Variants in KCNIP1 observed in about 807,000 individuals in gnomAD.
The protein encoded by KCNIP1 is potassium voltage-gated channel interacting protein 1.
Under a neutral mutation model 33.0 loss-of-function variants are expected in KCNIP1, and 18 were observed. The ratio of observed to expected loss-of-function variants is 0.55; its 90% CI spans 0.38 to 0.81. The LOEUF (loss-of-function observed/expected upper bound fraction) is 0.81, where lower values mean the gene tolerates loss of function less well. KCNIP1 is among the 30% of genes least tolerant of loss of function. The pLI, the probability that KCNIP1 is intolerant of heterozygous loss-of-function variation, is 0.00. For missense variants in KCNIP1, 238 were observed against 271.6 expected (o/e 0.88, Z 0.87); for synonymous variants, 93 against 98.3 (o/e 0.95, Z 0.32).
chr5:170,480,877 T>C (rs1756962609), intron 1 of KCNIP1, among the ~76,000 whole-genome samples: 1 of 152,078 alleles, frequency 6.6e-6, no homozygotes, highest in Non-Finnish European at 1.5e-5. Flanking sequence ...CCAGGACTAT[T>C]AGTTGTATTC....
At chr5:170,461,861 G>T (rs1340061578) in intron 1 of KCNIP1, among the ~76,000 whole-genome samples, 1 of 152,130 alleles carries the variant, frequency 6.6e-6, no homozygotes, top group Non-Finnish European at 1.5e-5. Context: ...CATATAGTGG[G>T]GAAAGGACAC....
chr5:170,357,412 C>G (rs6872424), intron 1 of KCNIP1, among the ~76,000 whole-genome samples: 1 of 152,220 alleles, frequency 6.6e-6, no homozygotes, highest in Admixed American at 6.5e-5. Flanking sequence ...AGAGCCCCTC[C>G]GGGCTGGGAC....
intron 1 of KCNIP1, among the ~76,000 whole-genome samples, chr5:170,665,320 A>C (rs2113757463): frequency 6.6e-6 from 1 of 151,988 alleles, no homozygotes; most frequent in Non-Finnish European, 1.5e-5. Flanking sequence ...AGATTTATTT[A>C]CAGAAATCTG....
At chr5:170,424,269 C>A (rs1260791305) in intron 1 of KCNIP1, among the ~76,000 whole-genome samples, 1 of 152,202 alleles carries the variant, frequency 6.6e-6, no homozygotes, top group South Asian at 2.1e-4. Flanking sequence ...CTACTTTGCA[C>A]ATGTCCCATT....
At chr5:170,554,547 G>A (rs939094647) in intron 1 of KCNIP1, among the ~76,000 whole-genome samples, 6 of 152,316 alleles carry the variant, frequency 3.9e-5, no homozygotes, top group Admixed American at 6.5e-5. Context: ...GATGACAGAC[G>A]GAATCTCAGG....
chr5:170,450,079 C>T (rs1756210273), intron 1 of KCNIP1, among the ~76,000 whole-genome samples: 1 of 152,132 alleles, frequency 6.6e-6, no homozygotes, highest in African/African-American at 2.4e-5. Context: ...CATCCATGCT[C>T]AGGACTGCTC....
rs138947341 is a variant in KCNIP1 at position 170,658,577 on chromosome 5, G to A, written c.62-60181G>A. ...AGATGGCAGATGAATTTTGGAGGTAGAGGGAGAGGGGCAGATCACACAGAT... is the reference window on the plus strand; with the variant it reads ...AGATGGCAGATGAATTTTGGAGGTAAAGGGAGAGGGGCAGATCACACAGAT... On this transcript the variant is annotated intron_variant, in intron 1 of 7. Coordinates refer to ENST00000328939, the MANE Select transcript of KCNIP1 (RefSeq NM_014592.4). 3.2e-3 allele frequency among the ~76,000 whole-genome samples: 483 copies of A among 152,312 alleles called. 3 individuals are homozygous for A. The highest frequency in any genetic ancestry group is 4.2e-3 in the Non-Finnish European group (284 of 68,026).
At chr5:170,485,089 C>T (rs964385500) in intron 1 of KCNIP1, among the ~76,000 whole-genome samples, 4 of 151,928 alleles carry the variant, frequency 2.6e-5, no homozygotes, top group African/African-American at 7.3e-5. Flanking sequence ...TACAGTCATG[C>T]GCCACCACGC....
chr5:170,474,222 G>C (rs77685850), intron 1 of KCNIP1, among the ~76,000 whole-genome samples: 1,653 of 152,040 alleles, frequency 0.011, 37 homozygotes, highest in East Asian at 0.049. Context: ...TCTTTATAAC[G>C]AGACAACCTT....
chr5:170,367,447 GGAAAGAAA>G (rs374443943), intron 1 of KCNIP1, among the ~76,000 whole-genome samples: 17 of 142,966 alleles, frequency 1.2e-4, no homozygotes, highest in Middle Eastern at 3.8e-3. Flanking sequence ...AGGAAAGAAA[GGAAAGAAA>G]GAAAGAAAGA....
chr5:170,602,951 G>A (rs1423799175), intron 1 of KCNIP1, among the ~76,000 whole-genome samples: 2 of 152,190 alleles, frequency 1.3e-5, no homozygotes, highest in African/African-American at 4.8e-5. Context: ...CTCCTCCCCT[G>A]GCCCCGAGTG....
At chr5:170,497,030 T>C (rs1367471523) in intron 1 of KCNIP1, among the ~76,000 whole-genome samples, 1 of 152,156 alleles carries the variant, frequency 6.6e-6, no homozygotes, top group Non-Finnish European at 1.5e-5. Context: ...GTCTGGGATG[T>C]TATAGTGACT....
chr5:170,434,680 T>A (rs1364394104), intron 1 of KCNIP1, among the ~76,000 whole-genome samples: 1 of 152,152 alleles, frequency 6.6e-6, no homozygotes, highest in East Asian at 1.9e-4. Context: ...TGGGGCCTGG[T>A]GCGCTGGCTC....
At chr5:170,605,963 C>A (rs191942365) in intron 1 of KCNIP1, among the ~76,000 whole-genome samples, 1 of 152,086 alleles carries the variant, frequency 6.6e-6, no homozygotes, top group East Asian at 1.9e-4. Flanking sequence ...TTAGTAGCGA[C>A]GGGGTTTTGC....
intron 1 of KCNIP1, among the ~76,000 whole-genome samples, chr5:170,537,850 G>C (rs1023459426): frequency 2.6e-5 from 4 of 152,212 alleles, no homozygotes; most frequent in Admixed American, 2.6e-4. Flanking sequence ...CTACACCACT[G>C]TACACAGTCC....
chr5:170,561,730 A>G (rs1233087891), intron 1 of KCNIP1, among the ~76,000 whole-genome samples: 1 of 152,200 alleles, frequency 6.6e-6, no homozygotes, highest in African/African-American at 2.4e-5. Context: ...TAGTCTATTC[A>G]GTTCAATACA....
At chr5:170,618,696 T>G (rs1228874376) in intron 1 of KCNIP1, among the ~76,000 whole-genome samples, 1 of 152,152 alleles carries the variant, frequency 6.6e-6, no homozygotes, top group Non-Finnish European at 1.5e-5. Flanking sequence ...TTTAGACCAA[T>G]CACATCATTT....
At chr5:170,679,514 A>G (rs1220334679) in intron 1 of KCNIP1, among the ~76,000 whole-genome samples, 3 of 152,164 alleles carry the variant, frequency 2.0e-5, no homozygotes, top group Non-Finnish European at 4.4e-5. Context: ...CATACATAGG[A>G]GAAAATTTCA....
chr5:170,422,392 G>A (rs1356330441), intron 1 of KCNIP1: 1 of 152,206 alleles, frequency 6.6e-6, no homozygotes, highest in South Asian at 2.1e-4. Flanking sequence ...CTAGAATGGG[G>A]AGACAAGAAG....
Sources: gnomAD v4.1 joint callset for allele counts (sites outside exome capture counted in the v4.1 genomes callset) on GRCh38, gnomAD v4.1.1 for gene constraint, MANE v1.5 for transcripts, NCBI Gene and HGNC (gene_info 2026-07-23, HGNC 2026-07-21) for gene names.